The following SLCO5A1 variants were observed in gnomAD, a reference collection of about 807,000 sequenced individuals.
SLCO5A1 encodes the protein organic anion transporter polypeptide-related protein 4.
In SLCO5A1, 39 loss-of-function variants were observed where a neutral mutation model predicts 65.1. The observed-to-expected ratio is 0.60, with a 90% CI of 0.46 to 0.78. The LOEUF is 0.78. SLCO5A1 is among the 30% of genes least tolerant of loss of function. The pLI, the probability that SLCO5A1 is intolerant of heterozygous loss-of-function variation, is 0.00. For synonymous variants in SLCO5A1, 438 were observed against 415.7 expected, an observed-to-expected ratio of 1.05 and a Z score of -0.65; for missense variants, 1,029 against 1,069.4, an observed-to-expected ratio of 0.96 and a Z score of 0.53.
rs773368402 is a variant in SLCO5A1, at chr8:69,831,997, T to A, written c.677A>T (p.Glu226Val). Residue 226 changes from glutamate (E) to valine (V), a missense_variant, in exon 2 of 10, where the codon GAG (glutamate) becomes GTG (valine). Physicochemically the swap from Glu to Val is moderately radical, Grantham distance 121 (BLOSUM62 -2). This residue lies in a region of SLCO5A1 where 647 missense variants were observed against 647.5 expected (regional missense o/e 1.00). Transcript: ENST00000260126. ...GTCGTTGGGGGCCGAGGCGTTCAAC[T>A]CTTGGATCTGGTAGGGGGGCGAGAT... ...HFISPPYQIQ[E>V]LNASAPNDGL... 6.3e-7 allele frequency: 1 copy of A among 1,597,344 alleles called. No homozygotes were observed. Among genetic ancestry groups the A allele is most frequent in the Non-Finnish European group, 8.5e-7 (1 of 1,172,326 alleles).
intron 5 of SLCO5A1, among the ~76,000 whole-genome samples, chr8:69,727,331 G>T (rs1283829017): frequency 6.6e-6 from 1 of 152,070 alleles, no homozygotes; most frequent in African/African-American, 2.4e-5. Flanking sequence ...CTTTTAACTT[G>T]TATGCTATAT....
chr8:69,755,337 T>TG, intron 4 of SLCO5A1, 87 bp downstream of exon 4: 1 of 1,054,106 alleles, frequency 9.5e-7, no homozygotes, highest in Non-Finnish European at 1.4e-6. Flanking sequence ...CCACAGACAG[T>TG]GGGTAGACAG....
chr8:69,791,609 C>T (rs139058144), intron 2 of SLCO5A1, among the ~76,000 whole-genome samples: 8 of 152,302 alleles, frequency 5.3e-5, no homozygotes, highest in African/African-American at 9.6e-5. Flanking sequence ...ACAGCAAGTA[C>T]ACACGTGCCA....
chr8:69,727,551 C>T (rs1440327061), intron 5 of SLCO5A1, among the ~76,000 whole-genome samples: 1 of 152,190 alleles, frequency 6.6e-6, no homozygotes, highest in Non-Finnish European at 1.5e-5. Flanking sequence ...GGAGAGAGGA[C>T]TCCCTCCCAC....
chr8:69,755,450 G>T lies in SLCO5A1; in HGVS notation c.1232C>A (p.Ser411Ter). 6.2e-7 allele frequency: 1 copy of T among 1,613,818 alleles called. No individual in the cohort carries two copies. The highest frequency in any genetic ancestry group is 8.5e-7 in the Non-Finnish European group (1 of 1,179,962). ...NSEQADKKVS[S>*]MGFGKDVRDL... is the part of the protein sequence containing the mutation. The stretch of plus-strand genomic sequence containing the variant: ...TCTGACATCCTTTCCAAATCCCATC[G>T]AAGAAACTTTTTTGTCCGCTTGTTC... Residue 411 changes from serine to a stop codon, truncating the protein, a stop_gained, in exon 4 of 10, where the codon TCG becomes TAG. Coordinates refer to ENST00000260126, the MANE Select transcript of SLCO5A1 (RefSeq NM_030958.3). LOFTEE classifies it high-confidence loss of function.
At chr8:69,779,917 G>T (rs1818725815) in intron 2 of SLCO5A1, among the ~76,000 whole-genome samples, 1 of 152,036 alleles carries the variant, frequency 6.6e-6, no homozygotes, top group Non-Finnish European at 1.5e-5. Flanking sequence ...TACAACAGGG[G>T]ACTGATATCC....
intron 5 of SLCO5A1, among the ~76,000 whole-genome samples, chr8:69,717,953 T>C (rs1367298732): frequency 6.6e-6 from 1 of 152,192 alleles, no homozygotes; most frequent in Non-Finnish European, 1.5e-5. Context: ...TTTTCAGGAA[T>C]GCACTGCATT....
At chr8:69,775,928 T>C (rs1346241484) in intron 2 of SLCO5A1, among the ~76,000 whole-genome samples, 1 of 152,042 alleles carries the variant, frequency 6.6e-6, no homozygotes, top group Admixed American at 6.6e-5. Context: ...GCCAGGAAGA[T>C]GGCTTGAGCC....
At chr8:69,699,223 G>A (rs1330719117) in intron 6 of SLCO5A1, among the ~76,000 whole-genome samples, 6 of 152,074 alleles carry the variant, frequency 3.9e-5, no homozygotes, top group East Asian at 1.9e-4. Context: ...TGCACCAAAG[G>A]CTCTGGCATA....
intron 2 of SLCO5A1, chr8:69,794,358 G>A: frequency 2.3e-6 from 1 of 429,914 alleles, no homozygotes; most frequent in East Asian, 6.1e-5. Flanking sequence ...CATCATAACT[G>A]CTCTCCTACT....
At chr8:69,727,208 T>C (rs1816122498) in intron 5 of SLCO5A1, among the ~76,000 whole-genome samples, 1 of 151,984 alleles carries the variant, frequency 6.6e-6, no homozygotes, top group Non-Finnish European at 1.5e-5. Flanking sequence ...TGTGCATGGA[T>C]GGGTGGGTGG....
chr8:69,714,052 A>G (rs1454669952), intron 5 of SLCO5A1, among the ~76,000 whole-genome samples: 2 of 152,236 alleles, frequency 1.3e-5, no homozygotes, highest in Non-Finnish European at 2.9e-5. Context: ...AGACAGCGCG[A>G]TAAGTATACA....
chr8:69,828,264 T>C (rs1392786485), intron 2 of SLCO5A1, among the ~76,000 whole-genome samples: 6 of 42,088 alleles, frequency 1.4e-4, no homozygotes, highest in African/African-American at 1.3e-3. Flanking sequence ...CATTCATCAT[T>C]TTTTTTTTTT....
At chr8:69,816,019 C>T (rs922236916) in intron 2 of SLCO5A1, among the ~76,000 whole-genome samples, 2 of 152,158 alleles carry the variant, frequency 1.3e-5, no homozygotes, top group Admixed American at 1.3e-4. Context: ...TTTCCTAAGT[C>T]TCCTCCATCC....
intron 2 of SLCO5A1, among the ~76,000 whole-genome samples, chr8:69,798,958 T>A (rs1819618797): frequency 6.6e-6 from 1 of 152,230 alleles, no homozygotes; most frequent in Non-Finnish European, 1.5e-5. Context: ...AAATGTTACT[T>A]GCTTGTCTAT....
chr8:69,798,760 T>C (rs944554599), intron 2 of SLCO5A1, among the ~76,000 whole-genome samples: 4 of 152,104 alleles, frequency 2.6e-5, no homozygotes, highest in African/African-American at 7.2e-5. Flanking sequence ...CTTTGAACAA[T>C]GTGGAGGAGG....
intron 6 of SLCO5A1, among the ~76,000 whole-genome samples, chr8:69,698,222 T>C (rs1814581580): frequency 6.6e-6 from 1 of 152,196 alleles, no homozygotes; most frequent in Admixed American, 6.5e-5. Flanking sequence ...TTTCGTGGTG[T>C]GTATATGCCA....
At position 69,768,137 on chromosome 8, in the gene SLCO5A1, G is replaced by GT. The variant is rs1429583732; in HGVS notation, c.908-6263dup. ...AGTCCCAGCTACTCGGGAGGCTGAA[G>GT]TGGGAGGATCACCTGAGTTTGGGAG... On this transcript the variant is annotated intron_variant, in intron 2 of 9. Coordinates refer to ENST00000260126, the MANE Select transcript of SLCO5A1 (RefSeq NM_030958.3). 5.3e-5 allele frequency among the ~76,000 whole-genome samples: 8 copies of GT among 152,234 alleles called. No individual in the cohort carries two copies. In the East Asian group the frequency reaches 1.5e-3, roughly 29 times the overall value.
At chr8:69,683,347 A>G (rs1339935694) in intron 6 of SLCO5A1, among the ~76,000 whole-genome samples, 1 of 152,186 alleles carries the variant, frequency 6.6e-6, no homozygotes, top group Non-Finnish European at 1.5e-5. Flanking sequence ...TTTTTCCAGT[A>G]TCTACCCATT....
Sources: gnomAD v4.1 joint callset for allele counts (sites outside exome capture counted in the v4.1 genomes callset) on GRCh38, gnomAD v4.1.1 for gene constraint, gnomAD v4.1.1 regional missense constraint, MANE v1.5 for transcripts, NCBI Gene and HGNC (gene_info 2026-07-23, HGNC 2026-07-21) for gene names.